Variants in TIA1 observed in about 807,000 individuals in gnomAD.
TIA1 encodes cytotoxic granule associated RNA binding protein TIA1.
A neutral mutation model predicts 65.9 loss-of-function variants in TIA1; 23 were observed. That is an observed-to-expected ratio of 0.35 (90% CI 0.25 to 0.49). The LOEUF (loss-of-function observed/expected upper bound fraction) is 0.49, where lower values mean the gene tolerates loss of function less well. Ranked by LOEUF, TIA1 falls within the 20% of genes least tolerant of loss-of-function variation. The pLI, the probability that TIA1 is intolerant of heterozygous loss-of-function variation, is 0.98. For synonymous variants in TIA1, 147 were observed against 149.4 expected, an observed-to-expected ratio of 0.98 and a Z score of 0.12; for missense variants, 371 against 477.9, an observed-to-expected ratio of 0.78 and a Z score of 2.09.
In TIA1 at chr2:70,229,955, A is replaced by T. The variant is rs545682870; in HGVS notation, c.223-637T>A. Among the ~76,000 whole-genome samples, 14 of 151,564 alleles carry T rather than the reference A, an allele frequency of 9.2e-5. No individual in the cohort carries two copies. In the East Asian group the frequency reaches 2.7e-3, roughly 29 times the overall value. On this transcript the variant is annotated intron_variant, in intron 3 of 12. Transcript: ENST00000433529. ...TCCATCTCAAAAAAAAAAAACAAAAAAACCTGGGGACGGTGGCTCACGCCT... is the reference window on the plus strand; with the variant it reads ...TCCATCTCAAAAAAAAAAAACAAAATAACCTGGGGACGGTGGCTCACGCCT...
At chr2:70,218,860 A>G (rs1305703731) in intron 7 of TIA1, among the ~76,000 whole-genome samples, 1 of 152,272 alleles carries the variant, frequency 6.6e-6, no homozygotes, top group East Asian at 1.9e-4. Flanking sequence ...GGAGCATTGC[A>G]GTAGCAGTGA....
intron 1 of TIA1, among the ~76,000 whole-genome samples, chr2:70,246,560 A>C (rs1694423559): frequency 6.6e-6 from 1 of 152,104 alleles, no homozygotes; most frequent in Admixed American, 6.6e-5. Flanking sequence ...TGAGGGATAC[A>C]AGGCAAAATA....
In TIA1 at chr2:70,216,809, G is replaced by A. The variant is rs759523145; in HGVS notation, c.583+77C>T. 3 of 1,610,160 alleles carry A rather than the reference G, an allele frequency of 1.9e-6. No individual in the cohort carries two copies. In the Admixed American group the frequency reaches 5.0e-5, roughly 27 times the overall value. On this transcript the variant is annotated intron_variant, in intron 8 of 12. Coordinates refer to ENST00000433529, the MANE Select transcript of TIA1 (RefSeq NM_022173.4). The stretch of plus-strand genomic sequence containing the variant: ...ATCTATTTCTGCAATAAGTCTCCGG[G>A]AACAGCTCTAACATTTAAAATCTAG...
chr2:70,224,526 T>G, intron 7 of TIA1, 28 bp downstream of exon 7: 1 of 1,613,624 alleles, frequency 6.2e-7, no homozygotes, highest in South Asian at 1.1e-5. Context: ...TCTTTAAGCA[T>G]TATCCATGCA....
chr2:70,241,500 C>A (rs1456134992), intron 1 of TIA1, among the ~76,000 whole-genome samples: 1 of 152,098 alleles, frequency 6.6e-6, no homozygotes, highest in Non-Finnish European at 1.5e-5. Context: ...ACTATGAATT[C>A]TTTGGATATA....
At chr2:70,215,529 A>C in intron 10 of TIA1, 35 bp from the exon 11 acceptor site, 1 of 1,556,848 alleles carries the variant, frequency 6.4e-7, no homozygotes, top group Non-Finnish European at 8.7e-7. Context: ...ACCAATACAA[A>C]TTCTTTTAAA....
intron 2 of TIA1, among the ~76,000 whole-genome samples, chr2:70,232,796 G>A (rs1687089399): frequency 6.6e-6 from 1 of 151,914 alleles, no homozygotes; most frequent in African/African-American, 2.4e-5. Flanking sequence ...TTGAACTCAG[G>A]AGGGGGACGT....
intron 1 of TIA1, among the ~76,000 whole-genome samples, chr2:70,238,040 AGT>A (rs1689844715): frequency 2.0e-5 from 3 of 151,198 alleles, no homozygotes; most frequent in Admixed American, 2.0e-4. Flanking sequence ...GGGCGCCTGT[AGT>A]CCCGGCTACT....
intron 1 of TIA1, among the ~76,000 whole-genome samples, chr2:70,239,408 A>G (rs941255307): frequency 9.9e-5 from 15 of 152,140 alleles, no homozygotes; most frequent in Admixed American, 2.0e-4. Flanking sequence ...GGGTTTATAA[A>G]TAAGTTTTTA....
rs1391977862 is a variant in TIA1, at chr2:70,212,065, G to A, written c.*654C>T. The A allele has an allele frequency of 6.6e-6, 1 of 152,538 alleles. No individual in the cohort carries two copies. Among genetic ancestry groups the A allele is most frequent in the Non-Finnish European group, 1.5e-5 (1 of 68,014 alleles). 9.4% of individuals were successfully genotyped at this position (152,538 alleles called of 1,614,324 possible). ...TGAATGCAATTATCAATCCATCTGA[G>A]AAAAGTTTTCAATCTAAATGAACAT... On this transcript the variant is annotated 3_prime_UTR_variant, in exon 13 of 13. Transcript: ENST00000433529.
At chr2:70,228,960 TC>T in intron 5 of TIA1, 98 bp downstream of exon 5, 1 of 187,486 alleles carries the variant, frequency 5.3e-6, no homozygotes. Context: ...TAATATCTCC[TC>T]CCGCCCCCCT....
chr2:70,212,316 G>GT lies in TIA1; in HGVS notation c.*402dup, dbSNP rs1211826079. 7.4e-3 allele frequency: 1,152 copies of GT among 155,900 alleles called. No individual in the cohort carries two copies. Among genetic ancestry groups the GT allele is most frequent in the South Asian group, 0.02 (116 of 5,782 alleles). The allele number at this position is 155,900 out of a possible 1,614,324, so 9.7% of individuals were successfully genotyped here. A position where few individuals can be genotyped will look rare whatever the true frequency, so the allele number is the denominator to read the frequency against. ...AACTTCTAGACTCTGCACAGTTTTGGTTTTTTTTTTTAACATCTTTATATT... is the reference window on the plus strand; with the variant it reads ...AACTTCTAGACTCTGCACAGTTTTGGTTTTTTTTTTTTAACATCTTTATATT... On this transcript the variant is annotated 3_prime_UTR_variant, in exon 13 of 13. Transcript: ENST00000433529.
At chr2:70,221,304 C>CT (rs34391224) in intron 7 of TIA1, among the ~76,000 whole-genome samples, 2 of 151,094 alleles carry the variant, frequency 1.3e-5, no homozygotes, top group East Asian at 2.0e-4. Flanking sequence ...CATGCCTGGC[C>CT]TTTTTTTAAA....
intron 7 of TIA1, chr2:70,224,320 G>A (rs1221213602): frequency 4.0e-6 from 2 of 501,126 alleles, no homozygotes; most frequent in Non-Finnish European, 7.0e-6. Context: ...TCTACCTTTG[G>A]CTGATAATTT....
chr2:70,232,030 G>A (rs993647976), intron 2 of TIA1, among the ~76,000 whole-genome samples: 15 of 151,478 alleles, frequency 9.9e-5, no homozygotes, highest in South Asian at 8.3e-4. Flanking sequence ...GTGAAACCCC[G>A]TCTCTACTAA....
chr2:70,239,162 G>A (rs1020859580), intron 1 of TIA1, among the ~76,000 whole-genome samples: 2 of 151,990 alleles, frequency 1.3e-5, no homozygotes, highest in East Asian at 1.9e-4. Flanking sequence ...GCGTGATCTC[G>A]GCTCACTGCA....
intron 3 of TIA1, 61 bp from the exon 4 acceptor site, chr2:70,229,379 T>A: frequency 7.1e-7 from 1 of 1,413,628 alleles, no homozygotes; most frequent in Non-Finnish European, 9.8e-7. Context: ...ATCACATTTG[T>A]ATCTATAAAC....
At chr2:70,246,347 C>A (rs1694299102) in intron 1 of TIA1, among the ~76,000 whole-genome samples, 1 of 152,184 alleles carries the variant, frequency 6.6e-6, no homozygotes, top group Non-Finnish European at 1.5e-5. Context: ...TTAAAAGCCT[C>A]TGACTTCCAG....
At chr2:70,233,376 T>C (rs1156650610) in intron 2 of TIA1, among the ~76,000 whole-genome samples, 1 of 152,176 alleles carries the variant, frequency 6.6e-6, no homozygotes, top group Non-Finnish European at 1.5e-5. Context: ...CTAAAAAAAT[T>C]AGAGAATAAA....
Sources: gnomAD v4.1 joint callset for allele counts (sites outside exome capture counted in the v4.1 genomes callset) on GRCh38, gnomAD v4.1.1 for gene constraint, MANE v1.5 for transcripts, NCBI Gene and HGNC (gene_info 2026-07-23, HGNC 2026-07-21) for gene names.